The following SPRY4 variants were observed in gnomAD, a reference collection of about 807,000 sequenced individuals.
SPRY4 encodes sprouty RTK signaling antagonist 4, also known as protein sprouty homolog 4.
SPRY4 carries 7 observed loss-of-function variants against 17.0 expected under a neutral mutation model. The observed-to-expected ratio is 0.41, with a 90% CI of 0.23 to 0.77. SPRY4 has a LOEUF of 0.77. Among genes scored for constraint, SPRY4 ranks in the 30% least tolerant of loss-of-function variants. SPRY4 has a pLI of 0.32. For synonymous variants in SPRY4, 183 were observed against 174.1 expected (o/e 1.05, Z -0.40); for missense variants, 435 against 419.9 (o/e 1.04, Z -0.31).
rs540490153 is a variant in SPRY4 at position 142,323,544 on chromosome 5, G to T, written c.-48+1300C>A. ...GATGCCCCTCCAGCAGCTGGTGAAAGAGGCAGCCAGCAGCTCCCTACTCTG... is the reference window on the plus strand; with the variant it reads ...GATGCCCCTCCAGCAGCTGGTGAAATAGGCAGCCAGCAGCTCCCTACTCTG... On this transcript the variant is annotated intron_variant, in intron 1 of 1. Coordinates refer to ENST00000434127, the MANE Select transcript of SPRY4 (RefSeq NM_001127496.3). 2.6e-5 allele frequency among the ~76,000 whole-genome samples: 4 copies of T among 152,284 alleles called. No homozygotes were observed. In the South Asian group the frequency reaches 8.3e-4, roughly 32 times the overall value.
At position 142,310,653 on chromosome 5, in the gene SPRY4, T is replaced by TG. The variant is rs1163211830; in HGVS notation, c.*3555dup. On this transcript the variant is annotated 3_prime_UTR_variant, in exon 2 of 2. Transcript: ENST00000434127. Reference sequence around the variant, plus strand: ...GAAATGGGCTACAGTGAGGGGGAAATGAAGTTGGGATGTGGCGGGGTGGGA... The same window carrying TG: ...GAAATGGGCTACAGTGAGGGGGAAATGGAAGTTGGGATGTGGCGGGGTGGGA... The TG allele has an allele frequency of 6.6e-6, 1 of 151,840 alleles. No homozygotes were observed. The highest frequency in any genetic ancestry group is 1.5e-5 in the Non-Finnish European group (1 of 67,872). 9.4% of individuals were successfully genotyped at this position (151,840 alleles called of 1,614,324 possible). A position where few individuals can be genotyped will look rare whatever the true frequency, so the allele number is the denominator to read the frequency against.
rs529921823 is a variant in SPRY4 at position 142,316,892 on chromosome 5, T to C, written c.-47-1737A>G. Among the ~76,000 whole-genome samples the C allele has an allele frequency of 2.6e-5, 4 of 152,246 alleles. No homozygotes were observed. The South Asian group carries it at 8.3e-4, about 32-fold the overall frequency. On this transcript the variant is annotated intron_variant, in intron 1 of 1. Transcript: ENST00000434127. ...TCACGCAGGGCATCAACTATTGGCT[T>C]TGCTCCCATGGCCCTGCCTACTTAA...
Position 142,323,310 on chromosome 5 carries a change from G to T in SPRY4, c.-48+1534C>A, listed in dbSNP as rs73275203. On this transcript the variant is annotated intron_variant, in intron 1 of 1. Coordinates refer to ENST00000434127, the MANE Select transcript of SPRY4 (RefSeq NM_001127496.3). ...GACGAGTGCTTGCTCCCGCCCCTCT[G>T]CAAGTTCTTTGGCCTCCAGTGTGTC... 7.6e-3 allele frequency among the ~76,000 whole-genome samples: 1,150 copies of T among 152,274 alleles called. 16 individuals are homozygous for T. The highest frequency in any genetic ancestry group is 0.026 in the African/African-American group (1,063 of 41,562).
chr5:142,320,533 TTGGGC>T (rs942372901), intron 1 of SPRY4, among the ~76,000 whole-genome samples: 2 of 148,248 alleles, frequency 1.3e-5, no homozygotes, highest in African/African-American at 5.3e-5. Context: ...TTGCTGGACT[TTGGGC>T]TTTGGGCTAT....
intron 1 of SPRY4, chr5:142,317,618 A>AC (rs1759200030): frequency 7.3e-6 from 7 of 962,242 alleles, no homozygotes; most frequent in Non-Finnish European, 8.6e-6. Flanking sequence ...AAGCAGATTC[A>AC]CTTTTTTTTT....
chr5:142,318,771 A>T (rs1759245477), intron 1 of SPRY4, among the ~76,000 whole-genome samples: 1 of 152,160 alleles, frequency 6.6e-6, no homozygotes. Flanking sequence ...TTAGCCAAAG[A>T]AGCACCTCTA....
intron 1 of SPRY4, chr5:142,324,333 A>G (rs1384757275): frequency 6.6e-6 from 1 of 152,282 alleles, no homozygotes; most frequent in Non-Finnish European, 1.5e-5. Context: ...GAAGAGAAAG[A>G]AAAAATCTAC....
In SPRY4 at chr5:142,310,464, T is replaced by G. The variant is rs1343597616; in HGVS notation, c.*3745A>C. On this transcript the variant is annotated 3_prime_UTR_variant, in exon 2 of 2. Coordinates refer to ENST00000434127, the MANE Select transcript of SPRY4 (RefSeq NM_001127496.3). ...GTGTATATTTAACAATATATATTTA[T>G]ATATATTTTCTAAATCAGTACATTC... is the stretch of plus-strand genomic sequence containing the variant. 6.6e-6 allele frequency: 1 copy of G among 152,496 alleles called. No individual in the cohort carries two copies. Among genetic ancestry groups the G allele is most frequent in the Non-Finnish European group, 1.5e-5 (1 of 68,030 alleles). 9.4% of individuals were successfully genotyped at this position (152,496 alleles called of 1,614,324 possible).
intron 1 of SPRY4, among the ~76,000 whole-genome samples, chr5:142,319,294 G>A (rs913901663): frequency 1.3e-5 from 2 of 152,162 alleles, no homozygotes; most frequent in Non-Finnish European, 2.9e-5. Flanking sequence ...CCAGGGAGGG[G>A]AATTTTCAAT....
At chr5:142,322,884 G>A (rs757383969) in intron 1 of SPRY4, among the ~76,000 whole-genome samples, 19 of 152,162 alleles carry the variant, frequency 1.2e-4, no homozygotes, top group Admixed American at 1.3e-4. Flanking sequence ...CTCGCAGCAC[G>A]TGAGAACCCT....
chr5:142,312,525 C>A lies in SPRY4; in HGVS notation c.*1684G>T, dbSNP rs1000494665. On this transcript the variant is annotated 3_prime_UTR_variant, in exon 2 of 2. Coordinates refer to ENST00000434127, the MANE Select transcript of SPRY4 (RefSeq NM_001127496.3). ...AGGTGCCTATCATAGCTACCTACCTCGCTGCCTCCTTCCCGGAGGCACCTC... is the reference window on the plus strand; with the variant it reads ...AGGTGCCTATCATAGCTACCTACCTAGCTGCCTCCTTCCCGGAGGCACCTC... 1 of 152,198 alleles carries A rather than the reference C, an allele frequency of 6.6e-6. No homozygotes were observed. Among genetic ancestry groups the A allele is most frequent in the Non-Finnish European group, 1.5e-5 (1 of 68,038 alleles). 9.4% of individuals were successfully genotyped at this position (152,198 alleles called of 1,614,324 possible).
At chr5:142,317,858 C>A in intron 1 of SPRY4, 1 of 985,358 alleles carries the variant, frequency 1.0e-6, no homozygotes, top group Non-Finnish European at 1.2e-6. Flanking sequence ...AACATCTGGG[C>A]CTGCAGTTGA....
At chr5:142,322,461 A>G (rs1759373669) in intron 1 of SPRY4, among the ~76,000 whole-genome samples, 1 of 138,810 alleles carries the variant, frequency 7.2e-6, no homozygotes, top group African/African-American at 2.6e-5. Flanking sequence ...ACAGAGCAAG[A>G]CTCGTCTCAA....
chr5:142,318,478 T>C (rs901067133), intron 1 of SPRY4, among the ~76,000 whole-genome samples: 1 of 149,712 alleles, frequency 6.7e-6, no homozygotes, highest in African/African-American at 2.5e-5. Context: ...AGAGCAAGAC[T>C]GAGTCTCAAG....
Position 142,314,878 on chromosome 5 carries a change from C to A in SPRY4, c.231G>T (p.Thr77=), listed in dbSNP as rs143709567. 6.3e-7 allele frequency: 1 copy of A among 1,597,142 alleles called. No individual in the cohort carries two copies. Among genetic ancestry groups the A allele is most frequent in the East Asian group, 2.2e-5 (1 of 44,592 alleles). The change falls in exon 2 of 2, where the codon ACG becomes ACT. Residue 77 remains threonine, a synonymous_variant. Transcript: ENST00000434127. This position sits in a 1 kb window ranked among gnomAD's most constrained non-coding sequence, Gnocchi z 4.8. ...TRGGAPELAP[T]PARCDQDVTH... ...TGACATCCTGGTCACAGCGGGCGGGCGTCGGGGCCAGCTCTGGGGCCCCGC... is the reference window on the plus strand; with the variant it reads ...TGACATCCTGGTCACAGCGGGCGGGAGTCGGGGCCAGCTCTGGGGCCCCGC...
chr5:142,318,495 AAAAAG>A (rs1759235729), intron 1 of SPRY4, among the ~76,000 whole-genome samples: 1 of 152,072 alleles, frequency 6.6e-6, no homozygotes, highest in African/African-American at 2.4e-5. Context: ...CAAGAAAAAA[AAAAAG>A]AAAGAAAGAA....
chr5:142,315,902 C>G (rs1038263728), intron 1 of SPRY4: 2 of 152,216 alleles, frequency 1.3e-5, no homozygotes, highest in African/African-American at 4.8e-5. Context: ...ACTCAACAGA[C>G]AGCTCTGGGT....
intron 1 of SPRY4, among the ~76,000 whole-genome samples, chr5:142,321,080 T>C (rs886850654): frequency 1.3e-5 from 2 of 152,204 alleles, no homozygotes; most frequent in African/African-American, 4.8e-5. Context: ...ATGTCCCGGA[T>C]ACATTCCCCA....
intron 1 of SPRY4, chr5:142,319,778 C>T (rs201103417): frequency 1.5e-5 from 24 of 1,611,772 alleles, no homozygotes; most frequent in Middle Eastern, 1.9e-4. Context: ...GGCTGCAAAC[C>T]GCTCAATACA....
Sources: allele counts gnomAD v4.1 joint callset (sites outside exome capture counted in the v4.1 genomes callset), GRCh38; gene constraint gnomAD v4.1.1; non-coding constraint Gnocchi (gnomAD v3.1); transcripts MANE v1.5; gene names NCBI Gene and HGNC (gene_info 2026-07-23, HGNC 2026-07-21).